The following ANXA4 variants were observed in gnomAD, a reference collection of about 807,000 sequenced individuals.
The protein encoded by ANXA4 is annexin A4, also known as 35-beta calcimedin.
In ANXA4, 39 loss-of-function variants were observed where a neutral mutation model predicts 49.8. The observed-to-expected ratio is 0.78, with a 90% CI of 0.61 to 1.02. The LOEUF (loss-of-function observed/expected upper bound fraction) is 1.02. ANXA4 is among the 50% of genes least tolerant of loss of function. The pLI, the probability that ANXA4 is intolerant of heterozygous loss-of-function variation, is 0.00. For missense variants in ANXA4, 360 were observed against 410.1 expected, an observed-to-expected ratio of 0.88 and a Z score of 1.05; for synonymous variants, 134 against 152.5, an observed-to-expected ratio of 0.88 and a Z score of 0.89.
Position 69,708,449 on chromosome 2 carries a change from A to T in ANXA4, n.767-12325A>T, listed in dbSNP as rs370569628. 1.2e-3 allele frequency among the ~76,000 whole-genome samples: 182 copies of T among 152,274 alleles called. 2 individuals are homozygous for T. Among genetic ancestry groups the T allele is most frequent in the Middle Eastern group, 3.4e-3 (1 of 294 alleles). ...TGTCTCTACAAAAAATACAAAAATT[A>T]GCCAGGCTGGTGGCATCCGCCTGTG... On this transcript the variant is annotated intron_variant and non_coding_transcript_variant, in intron 2 of 3. Transcript: ENST00000418066.
chr2:69,763,731 C>T (rs1033715369), intron 1 of ANXA4, among the ~76,000 whole-genome samples: 4 of 148,358 alleles, frequency 2.7e-5, no homozygotes, highest in East Asian at 2.0e-4. Context: ...GGCGTGATCT[C>T]GTCTCACTGC....
intron 3 of ANXA4, among the ~76,000 whole-genome samples, chr2:69,792,160 C>G (rs1346297083): frequency 4.6e-5 from 7 of 152,060 alleles, no homozygotes; most frequent in Non-Finnish European, 7.4e-5. Context: ...CTTTGGGAAG[C>G]CTGTTAAGTA....
At chr2:69,825,372 C>G (rs1674429647) in intron 12 of ANXA4, 84 bp from the exon 13 acceptor site, 5 of 1,125,094 alleles carry the variant, frequency 4.4e-6, no homozygotes, top group Non-Finnish European at 5.2e-6. Flanking sequence ...TCCAGCCAAG[C>G]TTGAAAAAGT....
chr2:69,824,523 G>A (rs997783673), intron 12 of ANXA4, among the ~76,000 whole-genome samples: 47 of 149,188 alleles, frequency 3.2e-4, no homozygotes, highest in South Asian at 8.4e-4. Context: ...AAAAAAAAAG[G>A]TTTAAGAAAA....
chr2:69,697,838 C>T (rs2105383728), intron 2 of ANXA4, among the ~76,000 whole-genome samples: 1 of 152,080 alleles, frequency 6.6e-6, no homozygotes, highest in East Asian at 1.9e-4. Flanking sequence ...TCAAAGATAC[C>T]TGGGGCCAGG....
At chr2:69,690,915 G>A (rs891820390) in intron 2 of ANXA4, among the ~76,000 whole-genome samples, 3 of 151,954 alleles carry the variant, frequency 2.0e-5, no homozygotes, top group African/African-American at 7.3e-5. Flanking sequence ...ATTTATCCTG[G>A]GATCTTATTG....
chr2:69,731,628 C>A (rs1670098423), intron 3 of ANXA4, among the ~76,000 whole-genome samples: 1 of 151,438 alleles, frequency 6.6e-6, no homozygotes, highest in Admixed American at 6.6e-5. Context: ...AGCAGAAGGG[C>A]ACAACCTCAA....
intron 1 of ANXA4, among the ~76,000 whole-genome samples, chr2:69,744,508 A>G (rs1349802807): frequency 6.6e-6 from 1 of 152,180 alleles, no homozygotes; most frequent in African/African-American, 2.4e-5. Flanking sequence ...TTGAGCTGCA[A>G]TTTGGTCCAA....
chr2:69,750,120 A>T (rs979713212), intron 1 of ANXA4, among the ~76,000 whole-genome samples: 9 of 151,992 alleles, frequency 5.9e-5, no homozygotes, highest in East Asian at 3.9e-4. Context: ...CAATTAATTA[A>T]AAAAAAATAG....
At chr2:69,707,616 G>A (rs777719174) in intron 2 of ANXA4, among the ~76,000 whole-genome samples, 1 of 152,124 alleles carries the variant, frequency 6.6e-6, no homozygotes, top group Non-Finnish European at 1.5e-5. Context: ...TACATAGTAG[G>A]TGTATTTATT....
chr2:69,799,759 A>G (rs1486575428), intron 3 of ANXA4, among the ~76,000 whole-genome samples: 1 of 152,194 alleles, frequency 6.6e-6, no homozygotes, highest in Non-Finnish European at 1.5e-5. Context: ...ACTTTTGGCC[A>G]GAGAAGTATC....
intron 1 of ANXA4, among the ~76,000 whole-genome samples, chr2:69,752,792 C>G (rs2105498578): frequency 6.6e-6 from 1 of 152,252 alleles, no homozygotes; most frequent in South Asian, 2.1e-4. Flanking sequence ...AGTCCACCCT[C>G]TAGGCCTGGC....
chr2:69,746,012 A>G (rs1559136014), intron 1 of ANXA4, among the ~76,000 whole-genome samples: 2 of 150,976 alleles, frequency 1.3e-5, no homozygotes, highest in African/African-American at 2.4e-5. Context: ...TTGTTTGTTT[A>G]TTTGTTTGTT....
At chr2:69,692,888 T>C (rs1465431544) in intron 2 of ANXA4, among the ~76,000 whole-genome samples, 2 of 152,174 alleles carry the variant, frequency 1.3e-5, no homozygotes, top group African/African-American at 4.8e-5. Flanking sequence ...AATATTGAAT[T>C]ATGTTCAGAA....
intron 12 of ANXA4, 147 bp from the exon 13 acceptor site, chr2:69,825,309 A>T (rs1042812185): frequency 1.8e-5 from 12 of 654,214 alleles, no homozygotes; most frequent in Middle Eastern, 3.4e-4. Context: ...TACACTGAAT[A>T]AGTATTACCT....
At chr2:69,774,869 G>C (rs776880689) in intron 1 of ANXA4, among the ~76,000 whole-genome samples, 1 of 152,136 alleles carries the variant, frequency 6.6e-6, no homozygotes, top group Non-Finnish European at 1.5e-5. Flanking sequence ...CAGGCTGGAT[G>C]TTCTCTCAGG....
intron 2 of ANXA4, among the ~76,000 whole-genome samples, chr2:69,719,894 A>G (rs1009518078): frequency 4.6e-5 from 7 of 152,136 alleles, no homozygotes; most frequent in African/African-American, 1.7e-4. Flanking sequence ...CCAAAGTGCT[A>G]GGATTACAGA....
At chr2:69,706,955 A>C (rs2105399477) in intron 2 of ANXA4, among the ~76,000 whole-genome samples, 1 of 152,308 alleles carries the variant, frequency 6.6e-6, no homozygotes, top group African/African-American at 2.4e-5. Context: ...ATTACATTGT[A>C]GATATTCTGG....
At chr2:69,823,112 A>G (rs1674316846) in intron 12 of ANXA4, among the ~76,000 whole-genome samples, 1 of 150,176 alleles carries the variant, frequency 6.7e-6, no homozygotes, top group Non-Finnish European at 1.5e-5. Flanking sequence ...CTATTAATCA[A>G]TAGGGAATAA....
Sources: gnomAD v4.1 joint callset for allele counts (sites outside exome capture counted in the v4.1 genomes callset) on GRCh38, gnomAD v4.1.1 for gene constraint, MANE v1.5 for transcripts, NCBI Gene and HGNC (gene_info 2026-07-23, HGNC 2026-07-21) for gene names.